The following CDKL3 variants were observed in gnomAD, a reference collection of about 807,000 sequenced individuals.
CDKL3 encodes the protein cyclin dependent kinase like 3, also known as cyclin-dependent kinase-like 3.
In CDKL3, 65 loss-of-function variants were observed where a neutral mutation model predicts 69.3. The observed-to-expected ratio is 0.94, with a 90% CI of 0.77 to 1.15. CDKL3 has a LOEUF of 1.15. CDKL3 is among the 50% of genes most tolerant of loss of function. The pLI is 0.00. For synonymous variants in CDKL3, 202 were observed against 221.6 expected (o/e 0.91, Z 0.79); for missense variants, 652 against 689.2 (o/e 0.95, Z 0.61).
intron 12 of CDKL3, chr5:134,302,322 C>T: frequency 2.2e-6 from 1 of 462,288 alleles, no homozygotes; most frequent in African/African-American, 2.0e-5. Context: ...GACTTACCTG[C>T]CTGATATCTG....
intron 6 of CDKL3, among the ~76,000 whole-genome samples, chr5:134,313,473 T>C (rs1473463508): frequency 6.6e-6 from 1 of 152,158 alleles, no homozygotes; most frequent in East Asian, 1.9e-4. Flanking sequence ...GTAAGTATTA[T>C]TATTATCCTC....
downstream of CDKL3, among the ~76,000 whole-genome samples, chr5:134,296,256 A>T (rs1765344966): frequency 1.3e-5 from 2 of 152,192 alleles, no homozygotes; most frequent in African/African-American, 4.8e-5. Flanking sequence ...ATGGCTAAAT[A>T]GTAGAAAAAA....
At chr5:134,355,235 G>GAA (rs60153337) in intron 3 of CDKL3, among the ~76,000 whole-genome samples, 907 of 74,420 alleles carry the variant, frequency 0.012, 9 homozygotes, top group African/African-American at 0.035. Context: ...TCTGTCTCAG[G>GAA]AAAAAAAAAA....
intron 4 of CDKL3, among the ~76,000 whole-genome samples, chr5:134,328,906 T>C (rs759955327): frequency 1.9e-4 from 29 of 152,284 alleles, no homozygotes; most frequent in Non-Finnish European, 3.5e-4. Context: ...AGCAAAGATA[T>C]CTTTCAAAAA....
At chr5:134,290,660 A>G (rs1765088047) in intron 8 of CDKL3, among the ~76,000 whole-genome samples, 1 of 151,930 alleles carries the variant, frequency 6.6e-6, no homozygotes, top group Non-Finnish European at 1.5e-5. Context: ...GGAAGCCATG[A>G]GGGTTTTGGG....
At chr5:134,348,140 C>A (rs2149590712) in intron 4 of CDKL3, among the ~76,000 whole-genome samples, 1 of 152,290 alleles carries the variant, frequency 6.6e-6, no homozygotes, top group South Asian at 2.1e-4. Context: ...GGAATCCCAG[C>A]ACTTTGGGAG....
intron 7 of CDKL3, among the ~76,000 whole-genome samples, chr5:134,309,628 A>C (rs915604016): frequency 1.3e-5 from 2 of 152,172 alleles, no homozygotes; most frequent in Non-Finnish European, 2.9e-5. Flanking sequence ...TCCTTGAAGC[A>C]GCTACAGCTA....
chr5:134,296,476 A>G (rs1765355115), downstream of CDKL3, among the ~76,000 whole-genome samples: 1 of 152,178 alleles, frequency 6.6e-6, no homozygotes, highest in Non-Finnish European at 1.5e-5. Context: ...TGCAATGGGC[A>G]AACACATATA....
At chr5:134,371,411 C>CGGAGGGCGGAGGGATCCGG, upstream of CDKL3, 1 of 751,660 alleles carries the variant, frequency 1.3e-6, no homozygotes, top group Non-Finnish European at 2.1e-6. Context: ...GTGGTAGCGG[C>CGGAGGGCGGAGGGATCCGG]GGAGGGCGGA....
intron 4 of CDKL3, among the ~76,000 whole-genome samples, chr5:134,322,929 A>G (rs1221771708): frequency 1.3e-5 from 2 of 151,974 alleles, no homozygotes; most frequent in East Asian, 3.8e-4. Context: ...TGGTGAGCCG[A>G]GATCATGCCA....
chr5:134,327,863 A>G (rs1276098158), intron 4 of CDKL3, among the ~76,000 whole-genome samples: 1 of 152,188 alleles, frequency 6.6e-6, no homozygotes, highest in African/African-American at 2.4e-5. Context: ...TATCAATACC[A>G]CTGTCATCTC....
chr5:134,286,093 G>T (rs1011335140), downstream of CDKL3, among the ~76,000 whole-genome samples: 1 of 152,102 alleles, frequency 6.6e-6, no homozygotes, highest in Non-Finnish European at 1.5e-5. Context: ...CTGCACTCCA[G>T]ACTGGTTATA....
intron 9 of CDKL3, among the ~76,000 whole-genome samples, chr5:134,307,037 G>A (rs1357575762): frequency 2.0e-5 from 3 of 152,226 alleles, no homozygotes; most frequent in South Asian, 2.1e-4. Context: ...TTACAGGCAC[G>A]AGCCACCATG....
intron 4 of CDKL3, among the ~76,000 whole-genome samples, chr5:134,342,045 C>T (rs1256848034): frequency 1.3e-5 from 2 of 152,178 alleles, no homozygotes; most frequent in Non-Finnish European, 2.9e-5. Flanking sequence ...CCTAAACTCA[C>T]TCCTCATGCA....
intron 3 of CDKL3, among the ~76,000 whole-genome samples, chr5:134,358,127 G>T (rs1303050027): frequency 6.6e-6 from 1 of 152,132 alleles, no homozygotes. Flanking sequence ...AGTTTCCCAG[G>T]ATCTTCAGGA....
chr5:134,351,450 A>G (rs1753283575), intron 3 of CDKL3, among the ~76,000 whole-genome samples: 1 of 152,142 alleles, frequency 6.6e-6, no homozygotes, highest in Admixed American at 6.6e-5. Context: ...GTCTTGCTCC[A>G]TTGCCCAGAC....
Position 134,352,196 on chromosome 5 carries a change from A to G in CDKL3, c.361-1769T>C, listed in dbSNP as rs554034857. Among the ~76,000 whole-genome samples the G allele has an allele frequency of 1.8e-3, 269 of 152,250 alleles. 1 individual carries two copies. Among genetic ancestry groups the G allele is most frequent in the Non-Finnish European group, 3.1e-3 (213 of 68,030 alleles). On this transcript the variant is annotated intron_variant, in intron 3 of 12. Transcript: ENST00000265334. ...CATAACGTCCTCCAGGTTTATCCAC[A>G]TCATCACAAATGATTTCCTTCTATT...
At position 134,347,201 on chromosome 5, in the gene CDKL3, T is replaced by TA. The variant is rs57205907; in HGVS notation, c.539+3047dup. On this transcript the variant is annotated intron_variant, in intron 4 of 12. Transcript: ENST00000265334. Reference sequence around the variant, plus strand: ...AATTATCCCAAAATAAAGTTTACTTTAAAAAAAAAAAAGGCTAGGATGGCT... The same window carrying TA: ...AATTATCCCAAAATAAAGTTTACTTTAAAAAAAAAAAAAGGCTAGGATGGCT... Among the ~76,000 whole-genome samples, 137 of 144,604 alleles carry TA rather than the reference T, an allele frequency of 9.5e-4. 2 individuals carry two copies. In the South Asian group the frequency reaches 0.018, roughly 19 times the overall value. 94.9% of individuals were successfully genotyped at this position (144,604 alleles called of 152,430 possible). A position where few individuals can be genotyped will look rare whatever the true frequency, so the allele number is the denominator to read the frequency against.
At chr5:134,369,694 C>G (rs1370116780), upstream of CDKL3, among the ~76,000 whole-genome samples, 1 of 152,126 alleles carries the variant, frequency 6.6e-6, no homozygotes, top group African/African-American at 2.4e-5. Flanking sequence ...CCTCAGCCTC[C>G]TGAGTTGCTG....
Sources: allele counts gnomAD v4.1 joint callset (sites outside exome capture counted in the v4.1 genomes callset), GRCh38; gene constraint gnomAD v4.1.1; transcripts MANE v1.5; gene names NCBI Gene and HGNC (gene_info 2026-07-23, HGNC 2026-07-21).